The following KYAT3 variants were observed in gnomAD, a reference collection of about 807,000 sequenced individuals.
KYAT3 encodes kynurenine--oxoglutarate transaminase 3.
A neutral mutation model predicts 59.0 loss-of-function variants in KYAT3; 50 were observed. The ratio of observed to expected loss-of-function variants is 0.85; its 90% CI spans 0.68 to 1.07. The LOEUF (loss-of-function observed/expected upper bound fraction) is 1.07, where lower values mean the gene tolerates loss of function less well. KYAT3 is among the 50% of genes least tolerant of loss of function. The probability of loss-of-function intolerance (pLI) is 0.00; values close to 1 mark genes in which losing one functional copy is unlikely to be tolerated. For missense variants in KYAT3, 497 were observed against 533.3 expected (o/e 0.93, Z 0.67); for synonymous variants, 148 against 177.0 (o/e 0.84, Z 1.30).
intron 10 of KYAT3, among the ~76,000 whole-genome samples, chr1:88,949,768 G>A (rs962353434): frequency 1.8e-4 from 28 of 152,176 alleles, no homozygotes; most frequent in Non-Finnish European, 3.7e-4. Flanking sequence ...CATATGCCAG[G>A]AAGTTGGTCA....
the KYAT3 span, among the ~76,000 whole-genome samples, chr1:88,927,684 G>C: frequency 1.3e-5 from 2 of 152,150 alleles, no homozygotes; most frequent in Non-Finnish European, 2.9e-5. Flanking sequence ...GTAGGAGGAG[G>C]AGAATTCGGC....
intron 2 of KYAT3, chr1:88,980,636 T>C (rs1413421960): frequency 6.6e-6 from 1 of 152,606 alleles, no homozygotes; most frequent in Non-Finnish European, 1.5e-5. Flanking sequence ...TTCAGTAAAC[T>C]ATTTATCAAA....
intron 13 of KYAT3, among the ~76,000 whole-genome samples, chr1:88,940,040 A>C (rs542515901): frequency 8.6e-5 from 13 of 151,940 alleles, no homozygotes; most frequent in African/African-American, 2.9e-4. Flanking sequence ...ATATAGATTC[A>C]CAGTTGGTTC....
In KYAT3 at chr1:88,975,349, C is replaced by A. The variant is rs368977903; in HGVS notation, c.100-5882G>T. Among the ~76,000 whole-genome samples the A allele has an allele frequency of 3.3e-5, 5 of 152,290 alleles. No homozygotes were observed. The East Asian group carries it at 9.7e-4, about 29-fold the overall frequency. ...TGTATTTTTAGGAGAGACTGGGTTT[C>A]ACCACGTTAGCCAGGATGGTCTTGA... On this transcript the variant is annotated intron_variant, in intron 2 of 13. Coordinates refer to ENST00000260508, the MANE Select transcript of KYAT3 (RefSeq NM_001008661.3).
chr1:88,956,694 G>C (rs939323150), intron 8 of KYAT3, among the ~76,000 whole-genome samples: 5 of 152,204 alleles, frequency 3.3e-5, no homozygotes, highest in Non-Finnish European at 5.9e-5. Flanking sequence ...ATAGGCTGTA[G>C]CCAGGCAGAG....
intron 2 of KYAT3, among the ~76,000 whole-genome samples, chr1:88,973,393 C>T (rs1304653206): frequency 6.6e-6 from 1 of 152,180 alleles, no homozygotes; most frequent in South Asian, 2.1e-4. Context: ...TTCGGAGTCA[C>T]CAAGATTCTG....
At chr1:88,973,095 C>T (rs1395995721) in intron 2 of KYAT3, among the ~76,000 whole-genome samples, 1 of 152,168 alleles carries the variant, frequency 6.6e-6, no homozygotes, top group Non-Finnish European at 1.5e-5. Flanking sequence ...TATACATAGA[C>T]CCTGTGTGAA....
intron 13 of KYAT3, among the ~76,000 whole-genome samples, chr1:88,940,819 A>C (rs952002627): frequency 6.6e-6 from 1 of 152,044 alleles, no homozygotes; most frequent in African/African-American, 2.4e-5. Flanking sequence ...CCATCATGCC[A>C]AACGGTCTAG....
At chr1:88,964,657 G>C (rs1676269622) in intron 5 of KYAT3, 172 bp downstream of exon 5, 1 of 612,994 alleles carries the variant, frequency 1.6e-6, no homozygotes, top group Non-Finnish European at 2.9e-6. Context: ...AATTTACACA[G>C]TAATTTATCC....
At chr1:88,941,531 ATTT>A (rs5776007) in intron 13 of KYAT3, among the ~76,000 whole-genome samples, 1 of 146,284 alleles carries the variant, frequency 6.8e-6, no homozygotes, top group Admixed American at 6.8e-5. Flanking sequence ...CTAGGCTGTT[ATTT>A]TTTTTTTTTT....
At chr1:88,982,733 C>T in intron 2 of KYAT3, 1 of 1,613,968 alleles carries the variant, frequency 6.2e-7, no homozygotes, top group Non-Finnish European at 8.5e-7. Context: ...GCGGCTTGAA[C>T]TGCTGTAGGA....
At chr1:88,966,390 T>G (rs1319671507) in intron 4 of KYAT3, among the ~76,000 whole-genome samples, 3 of 152,210 alleles carry the variant, frequency 2.0e-5, no homozygotes, top group Non-Finnish European at 4.4e-5. Context: ...AGGTATTGCT[T>G]AATTTCTCTC....
chr1:88,965,089 T>C, intron 4 of KYAT3, 111 bp from the exon 5 acceptor site: 1 of 771,858 alleles, frequency 1.3e-6, no homozygotes, highest in East Asian at 3.0e-5. Flanking sequence ...TTGATGTTTA[T>C]AATTACCCCA....
intron 2 of KYAT3, chr1:88,983,919 G>C (rs1385802265): frequency 6.8e-7 from 1 of 1,470,390 alleles, no homozygotes; most frequent in East Asian, 2.3e-5. Flanking sequence ...AGCACCAGTG[G>C]CGGCTGTCAG....
chr1:88,942,999 A>G lies in KYAT3; in HGVS notation c.1302+6T>C. On this transcript the variant is annotated splice_donor_region_variant and intron_variant, in intron 13 of 13. Coordinates refer to ENST00000260508, the MANE Select transcript of KYAT3 (RefSeq NM_001008661.3). ...ATATGTGTTTTCAATAGAGCAGGGA[A>G]CTTACTTTAATGAAGCAAAAACGCA... The G allele has an allele frequency of 6.3e-7, 1 of 1,586,978 alleles. No individual in the cohort carries two copies. Among genetic ancestry groups the G allele is most frequent in the Non-Finnish European group, 8.7e-7 (1 of 1,155,738 alleles).
intron 1 of KYAT3, among the ~76,000 whole-genome samples, chr1:88,988,624 G>C (rs758040646): frequency 1.1e-4 from 17 of 152,010 alleles, no homozygotes; most frequent in Non-Finnish European, 1.9e-4. Flanking sequence ...AAAAAATAAG[G>C]CTTTAATTTA....
At chr1:88,969,984 T>G (rs1380375801) in intron 2 of KYAT3, among the ~76,000 whole-genome samples, 1 of 152,162 alleles carries the variant, frequency 6.6e-6, no homozygotes, top group Non-Finnish European at 1.5e-5. Context: ...AAATGAAATT[T>G]AGATGTTCAT....
chr1:88,990,177 G>A (rs1677700542), intron 1 of KYAT3, among the ~76,000 whole-genome samples: 1 of 151,810 alleles, frequency 6.6e-6, no homozygotes, highest in Non-Finnish European at 1.5e-5. Context: ...TCTCCTCCAC[G>A]ACTTAGATCT....
intron 13 of KYAT3, among the ~76,000 whole-genome samples, chr1:88,936,665 C>CAA (rs11431366): frequency 1.1e-4 from 16 of 150,234 alleles, no homozygotes; most frequent in Admixed American, 1.3e-4. Flanking sequence ...TTGCTCTGAA[C>CAA]AAAAAAAAAT....
Sources: gnomAD v4.1 joint callset for allele counts (sites outside exome capture counted in the v4.1 genomes callset) on GRCh38, gnomAD v4.1.1 for gene constraint, MANE v1.5 for transcripts, NCBI Gene and HGNC (gene_info 2026-07-23, HGNC 2026-07-21) for gene names.